The following EXOC7 variants were observed in gnomAD, a reference collection of about 807,000 sequenced individuals.
The protein encoded by EXOC7 is exocyst complex component Exo70.
Under a neutral mutation model 87.6 loss-of-function variants are expected in EXOC7, and 51 were observed. The ratio of observed to expected loss-of-function variants is 0.58; its 90% CI spans 0.46 to 0.73. The LOEUF is 0.73. Ranked by LOEUF, EXOC7 falls within the 30% of genes least tolerant of loss-of-function variation. The probability of loss-of-function intolerance (pLI) is 0.00; values close to 1 mark genes in which losing one functional copy is unlikely to be tolerated. For missense variants in EXOC7, 744 were observed against 888.4 expected, an observed-to-expected ratio of 0.84 and a Z score of 2.07; for synonymous variants, 327 against 357.1, an observed-to-expected ratio of 0.92 and a Z score of 0.95.
chr17:76,090,193 T>C lies in EXOC7; in HGVS notation c.902-873A>G. On this transcript the variant is annotated intron_variant, in intron 7 of 18. Coordinates refer to ENST00000589210, the MANE Select transcript of EXOC7 (RefSeq NM_001013839.4). Reference sequence around the variant, plus strand: ...AGACCTAGGCCCAAAAGAGAGAGAGTGGAGAGAGAGGCGCATAGGCCTGGC... The same window carrying C: ...AGACCTAGGCCCAAAAGAGAGAGAGCGGAGAGAGAGGCGCATAGGCCTGGC... 6 of 968,492 alleles carry C rather than the reference T, an allele frequency of 6.2e-6. No individual in the cohort carries two copies. The South Asian group carries it at 8.6e-5, about 14-fold the overall frequency. 60.0% of individuals were successfully genotyped at this position (968,492 alleles called of 1,614,324 possible). A position where few individuals can be genotyped will look rare whatever the true frequency, so the allele number is the denominator to read the frequency against.
intron 12 of EXOC7, chr17:76,086,826 G>C (rs763457970): frequency 6.5e-7 from 1 of 1,549,472 alleles, no homozygotes; most frequent in African/African-American, 1.4e-5. Context: ...AGAGGGACAG[G>C]AGGGGGCTGC....
chr17:76,102,270 A>C (rs2068099730), intron 2 of EXOC7, among the ~76,000 whole-genome samples: 1 of 152,134 alleles, frequency 6.6e-6, no homozygotes, highest in African/African-American at 2.4e-5. Flanking sequence ...TCTAAGGATG[A>C]AACTCATTGA....
chr17:76,089,520 C>A lies in EXOC7; in HGVS notation c.902-200G>T, dbSNP rs2067378588. 6.4e-6 allele frequency: 4 copies of A among 625,932 alleles called. No homozygotes were observed. The African/African-American group carries it at 7.4e-5, about 12-fold the overall frequency. 38.8% of individuals were successfully genotyped at this position (625,932 alleles called of 1,614,324 possible). A position where few individuals can be genotyped will look rare whatever the true frequency, so the allele number is the denominator to read the frequency against. On this transcript the variant is annotated intron_variant, in intron 7 of 18. Coordinates refer to ENST00000589210, the MANE Select transcript of EXOC7 (RefSeq NM_001013839.4). ...GGGGAATAAAAGGAGCTGAGCCCAG[C>A]CTTTGTTCTGGCTTCATTCTCGGCT...
At position 76,103,761 on chromosome 17, in the gene EXOC7, G is replaced by T; in HGVS notation, c.-69C>A. 1 of 1,511,488 alleles carries T rather than the reference G, an allele frequency of 6.6e-7. No individual in the cohort carries two copies. Among genetic ancestry groups the T allele is most frequent in the South Asian group, 1.2e-5 (1 of 82,014 alleles). 93.6% of individuals were successfully genotyped at this position (1,511,488 alleles called of 1,614,324 possible). A position where few individuals can be genotyped will look rare whatever the true frequency, so the allele number is the denominator to read the frequency against. On this transcript the variant is annotated 5_prime_UTR_variant, in exon 1 of 19. Transcript: ENST00000589210. ...GCGGGCCCACCGGGCCCCCGTCCCC[G>T]TCACACCCACTTCCGCTCTTGGTCC...
chr17:76,087,298 C>A, intron 12 of EXOC7: 1 of 397,940 alleles, frequency 2.5e-6, no homozygotes, highest in Non-Finnish European at 4.6e-6. Flanking sequence ...CTCTGAAGGC[C>A]AGCTGAGCGA....
In EXOC7 at chr17:76,086,160, G is replaced by A; in HGVS notation, c.1430-15C>T. 1 of 1,612,980 alleles carries A rather than the reference G, an allele frequency of 6.2e-7. No homozygotes were observed. Among genetic ancestry groups the A allele is most frequent in the Non-Finnish European group, 8.5e-7 (1 of 1,179,848 alleles). ...AGAGCTGGTCTCTGTGAGAGGAGAA[G>A]TCCTGTTATTGCAGTGGCAGCAGCC... On this transcript the variant is annotated splice_polypyrimidine_tract_variant and intron_variant, in intron 12 of 18. Coordinates refer to ENST00000589210, the MANE Select transcript of EXOC7 (RefSeq NM_001013839.4).
intron 4 of EXOC7, among the ~76,000 whole-genome samples, chr17:76,100,593 A>G (rs1030883384): frequency 6.6e-6 from 1 of 151,208 alleles, no homozygotes; most frequent in Non-Finnish European, 1.5e-5. Context: ...AGATCGTGCC[A>G]TTGCACTCCA....
At chr17:76,101,143 G>A in intron 4 of EXOC7, 128 bp downstream of exon 4, 1 of 1,417,370 alleles carries the variant, frequency 7.1e-7, no homozygotes. Context: ...ATGCCTATAG[G>A]ATGTACTGTG....
At chr17:76,097,764 G>C in intron 5 of EXOC7, 32 bp downstream of exon 5, 1 of 1,273,364 alleles carries the variant, frequency 7.9e-7, no homozygotes, top group Non-Finnish European at 1.1e-6. Context: ...TCTGCCTCTG[G>C]TGTGTCATGT....
At position 76,091,148 on chromosome 17, in the gene EXOC7, A is replaced by G. The variant is rs995985261; in HGVS notation, c.896T>C (p.Leu299Pro). ...GGGGAACACAGGGTGATTACCTTCCAGAGGAATGAGGTTAGAGCCCCCCTT... is the reference window on the plus strand; with the variant it reads ...GGGGAACACAGGGTGATTACCTTCCGGAGGAATGAGGTTAGAGCCCCCCTT... ...GKKGGSNLIP[L>P]EGRDDMLDVE... is the part of the protein sequence containing the mutation. Residue 299 changes from leucine to proline, a missense_variant, in exon 7 of 19, where the codon CTG becomes CCG. By Grantham distance (98) the Leu-to-Pro change is moderately conservative. Transcript: ENST00000589210. The G allele has an allele frequency of 1.2e-6, 2 of 1,613,566 alleles. No individual in the cohort carries two copies. Among genetic ancestry groups the G allele is most frequent in the Non-Finnish European group, 1.7e-6 (2 of 1,179,450 alleles).
intron 5 of EXOC7, among the ~76,000 whole-genome samples, chr17:76,096,799 G>A (rs1365411160): frequency 1.3e-5 from 2 of 151,822 alleles, no homozygotes; most frequent in Admixed American, 6.6e-5. Context: ...CAGGTGATCC[G>A]CCCACCTTGG....
Position 76,098,201 on chromosome 17 carries a change from A to G in EXOC7, c.418-183T>C, listed in dbSNP as rs1466493852. On this transcript the variant is annotated intron_variant, in intron 4 of 18. Transcript: ENST00000589210. Reference sequence around the variant, plus strand: ...CACCAGGCTGGAGTGCAGTGACACAATCTTGGCTCACTGCAACCTCCGACT... The same window carrying G: ...CACCAGGCTGGAGTGCAGTGACACAGTCTTGGCTCACTGCAACCTCCGACT... The G allele has an allele frequency of 5.3e-6, 3 of 567,224 alleles. No individual in the cohort carries two copies. In the Admixed American group the frequency reaches 9.4e-5, roughly 18 times the overall value. 35.1% of individuals were successfully genotyped at this position (567,224 alleles called of 1,614,324 possible). A position where few individuals can be genotyped will look rare whatever the true frequency, so the allele number is the denominator to read the frequency against.
At position 76,081,595 on chromosome 17, in the gene EXOC7, T is replaced by G. The variant is rs761847302; in HGVS notation, c.*2053A>C. On this transcript the variant is annotated 3_prime_UTR_variant, in exon 19 of 19. Transcript: ENST00000589210. ...AGTCCATCATCGCTCTCTTGGTGCC[T>G]GCAGAGGCACTGCTGTTGGCTGACG... 6.2e-7 allele frequency: 1 copy of G among 1,614,016 alleles called. No homozygotes were observed. The highest frequency in any genetic ancestry group is 2.2e-5 in the East Asian group (1 of 44,884).
intron 7 of EXOC7, 164 bp downstream of exon 7, chr17:76,090,979 G>C: frequency 1.5e-6 from 1 of 686,324 alleles, no homozygotes; most frequent in Non-Finnish European, 2.6e-6. Context: ...CTGCGAAACT[G>C]TCCCTGTGCC....
At chr17:76,100,964 ACT>A (rs948168283) in intron 4 of EXOC7, 131 of 247,072 alleles carry the variant, frequency 5.3e-4, no homozygotes, top group Non-Finnish European at 7.4e-4. Flanking sequence ...ACAGAGCAAG[ACT>A]CTGTCTCAGG....
intron 3 of EXOC7, 88 bp downstream of exon 3, chr17:76,101,591 A>G (rs2068064406): frequency 6.8e-7 from 1 of 1,473,426 alleles, no homozygotes. Flanking sequence ...CTCCCACCTC[A>G]GCCTCCCAAA....
At position 76,081,368 on chromosome 17, in the gene EXOC7, C is replaced by T. The variant is rs2066963916; in HGVS notation, c.*2280G>A. ...GTTTATGATCTGAAGACCCAAGTCC[C>T]ACCCCAGCAGCTGGTGCCCTGCTTC... On this transcript the variant is annotated 3_prime_UTR_variant, in exon 19 of 19. Coordinates refer to ENST00000589210, the MANE Select transcript of EXOC7 (RefSeq NM_001013839.4). 6.2e-7 allele frequency: 1 copy of T among 1,614,036 alleles called. No individual in the cohort carries two copies. The highest frequency in any genetic ancestry group is 8.5e-7 in the Non-Finnish European group (1 of 1,180,046).
chr17:76,094,379 G>T, intron 6 of EXOC7, 35 bp downstream of exon 6: 3 of 1,597,088 alleles, frequency 1.9e-6, no homozygotes, highest in Non-Finnish European at 2.6e-6. Flanking sequence ...GTCAGCCTCT[G>T]GCTGTTGCAG....
Position 76,097,838 on chromosome 17 carries a change from T to C in EXOC7, c.598A>G (p.Ile200Val), listed in dbSNP as rs1484666917. ...TCCACCAGCCAGCGGGAGATGCGAATGACATCCTGGAGCACGCTCTCGGGC... is the reference window on the plus strand; with the variant it reads ...TCCACCAGCCAGCGGGAGATGCGAACGACATCCTGGAGCACGCTCTCGGGC... ...HLPESVLQDV[I>V]RISRWLVEYG... Residue 200 changes from isoleucine (I) to valine (V), a missense_variant, in exon 5 of 19, where the codon ATT becomes GTT. Ile to Val is a conservative substitution (Grantham distance 29, BLOSUM62 3). Coordinates refer to ENST00000589210, the MANE Select transcript of EXOC7 (RefSeq NM_001013839.4). 1 of 1,613,540 alleles carries C rather than the reference T, an allele frequency of 6.2e-7. No homozygotes were observed. Among genetic ancestry groups the C allele is most frequent in the Non-Finnish European group, 8.5e-7 (1 of 1,179,916 alleles).
Sources: allele counts gnomAD v4.1 joint callset (sites outside exome capture counted in the v4.1 genomes callset), GRCh38; gene constraint gnomAD v4.1.1; transcripts MANE v1.5; gene names NCBI Gene and HGNC (gene_info 2026-07-23, HGNC 2026-07-21).